The following IL1R1 variants were observed in gnomAD, a reference collection of about 807,000 sequenced individuals.
IL1R1 encodes the protein interleukin 1 receptor type 1.
A neutral mutation model predicts 50.2 loss-of-function variants in IL1R1; 22 were observed. The observed-to-expected ratio is 0.44, with a 90% CI of 0.31 to 0.63. The LOEUF (loss-of-function observed/expected upper bound fraction) is 0.63, where lower values mean the gene tolerates loss of function less well. Ranked by LOEUF, IL1R1 falls within the 20% of genes least tolerant of loss-of-function variation. The pLI is 0.07. For missense variants in IL1R1, 509 were observed against 676.2 expected, an observed-to-expected ratio of 0.75 and a Z score of 2.74; for synonymous variants, 251 against 236.7, an observed-to-expected ratio of 1.06 and a Z score of -0.55.
At chr2:102,115,269 G>A (rs983978341) in intron 1 of IL1R1, among the ~76,000 whole-genome samples, 2 of 152,164 alleles carry the variant, frequency 1.3e-5, no homozygotes, top group African/African-American at 4.8e-5. Flanking sequence ...CAAGAAGCTG[G>A]TTAGACCAAG....
chr2:102,147,415 T>G (rs1683244309), intron 1 of IL1R1, among the ~76,000 whole-genome samples: 1 of 152,224 alleles, frequency 6.6e-6, no homozygotes, highest in Admixed American at 6.5e-5. Flanking sequence ...AGGTCTCTGG[T>G]TCTCAGTCAA....
At chr2:102,075,552 A>G (rs1166665351) in intron 1 of IL1R1, among the ~76,000 whole-genome samples, 1 of 152,228 alleles carries the variant, frequency 6.6e-6, no homozygotes, top group East Asian at 1.9e-4. Flanking sequence ...TACTTTTAGA[A>G]TTCTTCATAC....
At chr2:102,118,922 G>A (rs757415377) in intron 1 of IL1R1, among the ~76,000 whole-genome samples, 2 of 149,610 alleles carry the variant, frequency 1.3e-5, no homozygotes, top group Non-Finnish European at 1.5e-5. Flanking sequence ...GGAGGCTGAG[G>A]CAGGAGAATG....
In IL1R1 at chr2:102,176,690, T is replaced by C. The variant is rs1182402477; in HGVS notation, c.1641T>C (p.Ser547=). 1 of 1,614,220 alleles carries C rather than the reference T, an allele frequency of 6.2e-7. No individual in the cohort carries two copies. Among genetic ancestry groups the C allele is most frequent in the Non-Finnish European group, 8.5e-7 (1 of 1,180,044 alleles). ...HMPVQRRSPS[S]KHQLLSPATK... ...CAGTCCAGCGACGGTCACCTTCATCTAAACACCAGTTACTGTCACCAGCCA... is the reference window on the plus strand; with the variant it reads ...CAGTCCAGCGACGGTCACCTTCATCCAAACACCAGTTACTGTCACCAGCCA... The change falls in exon 12 of 12, where the codon TCT becomes TCC. Residue 547 remains serine (S), a synonymous_variant. Coordinates refer to ENST00000410023, the MANE Select transcript of IL1R1 (RefSeq NM_000877.4).
chr2:102,095,410 CAAG>C (rs1679853545), intron 1 of IL1R1, among the ~76,000 whole-genome samples: 1 of 152,080 alleles, frequency 6.6e-6, no homozygotes, highest in South Asian at 2.1e-4. Context: ...TCTTTAAAAA[CAAG>C]AAGATGAGAG....
intron 1 of IL1R1, among the ~76,000 whole-genome samples, chr2:102,111,838 G>A (rs1198427875): frequency 6.6e-6 from 1 of 152,116 alleles, no homozygotes; most frequent in South Asian, 2.1e-4. Context: ...TTTTCTCCAG[G>A]TGTAAGTAGG....
chr2:102,106,715 G>A (rs1432708327), intron 1 of IL1R1, among the ~76,000 whole-genome samples: 2 of 152,190 alleles, frequency 1.3e-5, no homozygotes, highest in African/African-American at 4.8e-5. Context: ...TTTACATTTT[G>A]AAGAAATATA....
intron 1 of IL1R1, among the ~76,000 whole-genome samples, chr2:102,148,936 C>G (rs1397688424): frequency 6.7e-6 from 1 of 150,314 alleles, no homozygotes; most frequent in Non-Finnish European, 1.5e-5. Context: ...CAGAGCAAGA[C>G]TCTGTCTCAA....
At chr2:102,081,015 A>G (rs2104288129) in intron 1 of IL1R1, among the ~76,000 whole-genome samples, 1 of 152,306 alleles carries the variant, frequency 6.6e-6, no homozygotes, top group South Asian at 2.1e-4. Flanking sequence ...AAGCAAATTT[A>G]TAGAATCAGA....
intron 1 of IL1R1, among the ~76,000 whole-genome samples, chr2:102,086,756 T>C (rs1461383691): frequency 6.6e-6 from 1 of 152,224 alleles, no homozygotes; most frequent in East Asian, 1.9e-4. Context: ...CCTCCCTTTC[T>C]CTCTCAAAGA....
chr2:102,128,567 C>T (rs1242684286), intron 1 of IL1R1, among the ~76,000 whole-genome samples: 2 of 152,126 alleles, frequency 1.3e-5, no homozygotes, highest in Non-Finnish European at 2.9e-5. Context: ...GGAATTGAGG[C>T]ATAAGAGAAG....
At chr2:102,172,412 A>G (rs1197376867) in intron 8 of IL1R1, 2 of 985,164 alleles carry the variant, frequency 2.0e-6, no homozygotes, top group Admixed American at 1.2e-4. Context: ...TCTGTGCCCC[A>G]TGGAGAACAC....
Position 102,174,736 on chromosome 2 carries a change from A to G in IL1R1, c.1135+6A>G. ...TGATTTTCTCCCAATAAAAGGTATAATTTTGTATTCCATGCAGTATTTCTT... is the reference window on the plus strand; with the variant it reads ...TGATTTTCTCCCAATAAAAGGTATAGTTTTGTATTCCATGCAGTATTTCTT... On this transcript the variant is annotated splice_donor_region_variant and intron_variant, in intron 10 of 11. Transcript: ENST00000410023. The G allele has an allele frequency of 6.2e-7, 1 of 1,603,938 alleles. No individual in the cohort carries two copies. Among genetic ancestry groups the G allele is most frequent in the Non-Finnish European group, 8.5e-7 (1 of 1,176,036 alleles).
chr2:102,171,754 T>C (rs1685691023), intron 7 of IL1R1, 47 bp from the exon 8 acceptor site: 2 of 1,101,034 alleles, frequency 1.8e-6, no homozygotes, highest in African/African-American at 1.6e-5. Context: ...TCTAGATAGA[T>C]CAGAAAAAAT....
At chr2:102,157,690 G>T in intron 2 of IL1R1, 29 bp from the exon 3 acceptor site, 1 of 1,483,070 alleles carries the variant, frequency 6.7e-7, no homozygotes, top group Non-Finnish European at 9.4e-7. Context: ...TTTTGCTTTT[G>T]TCTTTCTTTC....
chr2:102,094,792 G>A (rs772721542), intron 1 of IL1R1, among the ~76,000 whole-genome samples: 1 of 151,850 alleles, frequency 6.6e-6, no homozygotes, highest in South Asian at 2.1e-4. Flanking sequence ...TTCTTATCAG[G>A]TTTTCTTTTA....
intron 1 of IL1R1, among the ~76,000 whole-genome samples, chr2:102,073,593 C>T (rs1284731904): frequency 9.8e-5 from 15 of 152,290 alleles, no homozygotes; most frequent in African/African-American, 3.6e-4. Flanking sequence ...TTAGTCACCC[C>T]TTACTCTGCA....
At chr2:102,140,638 G>C (rs1279552444), upstream of IL1R1, among the ~76,000 whole-genome samples, 3 of 152,224 alleles carry the variant, frequency 2.0e-5, no homozygotes, top group Non-Finnish European at 4.4e-5. Context: ...GCTGAGACCA[G>C]AGCAGATAGG....
At chr2:102,151,690 T>A (rs1253126541) in intron 1 of IL1R1, among the ~76,000 whole-genome samples, 1 of 152,212 alleles carries the variant, frequency 6.6e-6, no homozygotes, top group Non-Finnish European at 1.5e-5. Flanking sequence ...GGAGAGCCTG[T>A]GTCACTCGTC....
Sources: gnomAD v4.1 joint callset for allele counts (sites outside exome capture counted in the v4.1 genomes callset) on GRCh38, gnomAD v4.1.1 for gene constraint, MANE v1.5 for transcripts, NCBI Gene and HGNC (gene_info 2026-07-23, HGNC 2026-07-21) for gene names.